The following CACNA2D1 variants were observed in gnomAD, a reference collection of about 807,000 sequenced individuals.
CACNA2D1 encodes the protein calcium voltage-gated channel auxiliary subunit alpha2delta 1.
A neutral mutation model predicts 171.5 loss-of-function variants in CACNA2D1; 53 were observed. That is an observed-to-expected ratio of 0.31 (90% CI 0.25 to 0.39). The LOEUF is 0.39. Ranked by LOEUF, CACNA2D1 falls within the 10% of genes least tolerant of loss-of-function variation. CACNA2D1 has a pLI of 1.00. For missense variants in CACNA2D1, 903 were observed against 1,299.8 expected (o/e 0.69, Z 4.69); for synonymous variants, 442 against 443.1 (o/e 1.00, Z 0.03).
At chr7:82,404,017 A>G (rs1246533000) in intron 1 of CACNA2D1, among the ~76,000 whole-genome samples, 1 of 152,238 alleles carries the variant, frequency 6.6e-6, no homozygotes, top group Non-Finnish European at 1.5e-5. Flanking sequence ...AATAGTTTTC[A>G]TAAATGTGAA....
chr7:82,292,606 C>T (rs1475486803), intron 3 of CACNA2D1, among the ~76,000 whole-genome samples: 3 of 152,086 alleles, frequency 2.0e-5, no homozygotes, highest in Non-Finnish European at 4.4e-5. Context: ...TTGTCTTTAG[C>T]TTCCAGTGTT....
At chr7:82,000,571 C>T (rs1798484433) in intron 18 of CACNA2D1, among the ~76,000 whole-genome samples, 1 of 151,790 alleles carries the variant, frequency 6.6e-6, no homozygotes, top group Admixed American at 6.6e-5. Context: ...CATATTACCT[C>T]TTCATTTTAA....
intron 29 of CACNA2D1, among the ~76,000 whole-genome samples, chr7:81,968,444 C>T (rs187149572): frequency 1.8e-4 from 27 of 151,408 alleles, no homozygotes; most frequent in African/African-American, 6.3e-4. Flanking sequence ...CTTTAACAGA[C>T]GCCTACTAGA....
intron 3 of CACNA2D1, among the ~76,000 whole-genome samples, chr7:82,296,843 A>G (rs1050663310): frequency 2.0e-5 from 3 of 152,084 alleles, no homozygotes; most frequent in Non-Finnish European, 4.4e-5. Flanking sequence ...TGAGATTTAA[A>G]ATTAAAAGGA....
chr7:82,324,698 A>G (rs988142355), intron 3 of CACNA2D1, among the ~76,000 whole-genome samples: 1 of 152,102 alleles, frequency 6.6e-6, no homozygotes, highest in African/African-American at 2.4e-5. Flanking sequence ...TACCACATTA[A>G]CAAATGATAT....
intron 10 of CACNA2D1, among the ~76,000 whole-genome samples, chr7:82,054,751 T>C (rs919540663): frequency 1.3e-5 from 2 of 152,108 alleles, no homozygotes; most frequent in African/African-American, 4.8e-5. Flanking sequence ...TATTTGTACC[T>C]GGGGGCACAG....
chr7:81,964,145 A>G (rs1052996296), intron 33 of CACNA2D1, 37 bp from the exon 34 acceptor site: 3 of 1,605,920 alleles, frequency 1.9e-6, no homozygotes, highest in East Asian at 2.2e-5. Context: ...TCAGTAGTCT[A>G]CTTGATACTG....
At chr7:82,049,601 G>A (rs989255507) in intron 10 of CACNA2D1, among the ~76,000 whole-genome samples, 9 of 152,092 alleles carry the variant, frequency 5.9e-5, no homozygotes, top group East Asian at 1.9e-4. Flanking sequence ...ACAGTAATGC[G>A]ATAAAAACCC....
chr7:82,304,140 C>T (rs1420367886), intron 3 of CACNA2D1, among the ~76,000 whole-genome samples: 7 of 151,676 alleles, frequency 4.6e-5, no homozygotes, highest in Non-Finnish European at 8.8e-5. Flanking sequence ...AACCACAATG[C>T]GTTATTATCT....
intron 3 of CACNA2D1, among the ~76,000 whole-genome samples, chr7:82,315,367 C>T (rs73376141): frequency 0.014 from 2,046 of 150,870 alleles, 58 homozygotes; most frequent in African/African-American, 0.047. Flanking sequence ...TGATCATGTA[C>T]AAAGATGGAA....
At chr7:82,248,907 G>A (rs1805270066) in intron 3 of CACNA2D1, among the ~76,000 whole-genome samples, 1 of 152,136 alleles carries the variant, frequency 6.6e-6, no homozygotes, top group Non-Finnish European at 1.5e-5. Flanking sequence ...CATGAGGTCA[G>A]AAGATCGAGA....
At chr7:82,307,933 T>C (rs963504780) in intron 3 of CACNA2D1, among the ~76,000 whole-genome samples, 3 of 152,212 alleles carry the variant, frequency 2.0e-5, no homozygotes, top group Non-Finnish European at 4.4e-5. Flanking sequence ...GGTCATCAGC[T>C]TAATTAAAAG....
At chr7:81,986,918 A>T (rs1797033410) in intron 21 of CACNA2D1, among the ~76,000 whole-genome samples, 2 of 152,148 alleles carry the variant, frequency 1.3e-5, no homozygotes, top group African/African-American at 2.4e-5. Flanking sequence ...TTCTCAAGGG[A>T]AATTAGGACA....
chr7:82,056,451 G>A (rs1450296785), intron 10 of CACNA2D1, among the ~76,000 whole-genome samples: 2 of 152,102 alleles, frequency 1.3e-5, no homozygotes, highest in Non-Finnish European at 1.5e-5. Flanking sequence ...CTAAACAATT[G>A]GGTAGATAAG....
intron 4 of CACNA2D1, among the ~76,000 whole-genome samples, chr7:82,137,763 C>G (rs367832829): frequency 3.4e-5 from 5 of 148,058 alleles, no homozygotes; most frequent in Admixed American, 6.8e-5. Flanking sequence ...GCCTGTAGTC[C>G]CAGCTACTCC....
At chr7:82,209,618 AG>A (rs1356451302) in intron 3 of CACNA2D1, among the ~76,000 whole-genome samples, 1 of 152,182 alleles carries the variant, frequency 6.6e-6, no homozygotes. Context: ...AACAGTTATA[AG>A]AAGATAGATT....
At chr7:82,172,163 T>C (rs1278058194) in intron 3 of CACNA2D1, among the ~76,000 whole-genome samples, 1 of 151,948 alleles carries the variant, frequency 6.6e-6, no homozygotes, top group Non-Finnish European at 1.5e-5. Context: ...ATGGAGTATA[T>C]AAGAAGCTAG....
chr7:81,959,195 T>C lies in CACNA2D1; in HGVS notation c.3159+80A>G, dbSNP rs1793798832. 3.0e-6 allele frequency: 3 copies of C among 995,782 alleles called. No individual in the cohort carries two copies. The South Asian group carries it at 3.8e-5, about 13-fold the overall frequency. The allele number at this position is 995,782 out of a possible 1,614,324, so 61.7% of individuals were successfully genotyped here. On this transcript the variant is annotated intron_variant, in intron 38 of 38. Transcript: ENST00000356860. Reference sequence around the variant, plus strand: ...TTAAGACATTACGTTTGAGTTAAAATTGCAATTTGTATCCTTGAATTCTTG... The same window carrying C: ...TTAAGACATTACGTTTGAGTTAAAACTGCAATTTGTATCCTTGAATTCTTG...
chr7:82,022,838 T>C (rs1029183071), intron 12 of CACNA2D1, among the ~76,000 whole-genome samples: 2 of 151,938 alleles, frequency 1.3e-5, no homozygotes, highest in African/African-American at 2.4e-5. Context: ...GATTATAACT[T>C]TAGATGTGCA....
Sources: allele counts gnomAD v4.1 joint callset (sites outside exome capture counted in the v4.1 genomes callset), GRCh38; gene constraint gnomAD v4.1.1; transcripts MANE v1.5; gene names NCBI Gene and HGNC (gene_info 2026-07-23, HGNC 2026-07-21).